Variants in GRAMD4 observed in about 807,000 individuals in gnomAD.
GRAMD4 encodes GRAM domain-containing protein 4.
Under a neutral mutation model 83.9 loss-of-function variants are expected in GRAMD4, and 25 were observed. That is an observed-to-expected ratio of 0.30 (90% CI 0.22 to 0.42). GRAMD4 has a LOEUF of 0.42. GRAMD4 is among the 10% of genes least tolerant of loss of function. GRAMD4 has a pLI of 1.00. For synonymous variants in GRAMD4, 336 were observed against 320.9 expected (o/e 1.05, Z -0.50); for missense variants, 593 against 788.7 (o/e 0.75, Z 2.97).
intron 1 of GRAMD4, among the ~76,000 whole-genome samples, chr22:46,586,998 C>T (rs1030958807): frequency 1.3e-5 from 2 of 152,314 alleles, no homozygotes; most frequent in Middle Eastern, 3.4e-3. Flanking sequence ...CGGGAAGAAC[C>T]GGACCGTAAC....
chr22:46,590,044 C>T (rs894700886), intron 1 of GRAMD4, among the ~76,000 whole-genome samples: 2 of 152,218 alleles, frequency 1.3e-5, no homozygotes, highest in African/African-American at 4.8e-5. Flanking sequence ...TGGGTCCTGG[C>T]CTGGTTGGGA....
chr22:46,657,099 C>T (rs2082255219), intron 3 of GRAMD4, among the ~76,000 whole-genome samples: 1 of 152,244 alleles, frequency 6.6e-6, no homozygotes, highest in Non-Finnish European at 1.5e-5. Context: ...GGGCCACCTG[C>T]CTGAGCCTGT....
At chr22:46,667,721 C>T (rs1004785255) in intron 10 of GRAMD4, among the ~76,000 whole-genome samples, 1 of 152,252 alleles carries the variant, frequency 6.6e-6, no homozygotes, top group African/African-American at 2.4e-5. Flanking sequence ...ACCCAGGAGA[C>T]CTTGAGAGGC....
chr22:46,656,658 TG>T (rs2082249036), intron 3 of GRAMD4, among the ~76,000 whole-genome samples: 1 of 152,216 alleles, frequency 6.6e-6, no homozygotes, highest in East Asian at 1.9e-4. Context: ...CCTTCAGCCT[TG>T]GGCTGCTGGC....
In GRAMD4 at chr22:46,587,739, G is replaced by A. The variant is rs115394227; in HGVS notation, c.-50+10449G>A. Among the ~76,000 whole-genome samples, 537 of 152,186 alleles carry A rather than the reference G, an allele frequency of 3.5e-3. 3 individuals carry two copies. The highest frequency in any genetic ancestry group is 0.012 in the African/African-American group (507 of 41,538). Reference sequence around the variant, plus strand: ...GAGGGACCCAGAGGCACTGGCCCGAGGTAGGGTTGAAACAGGTGGAACTGA... The same window carrying A: ...GAGGGACCCAGAGGCACTGGCCCGAAGTAGGGTTGAAACAGGTGGAACTGA... On this transcript the variant is annotated intron_variant, in intron 1 of 1. Transcript: ENST00000431155.
intron 1 of GRAMD4, among the ~76,000 whole-genome samples, chr22:46,585,571 C>T (rs2081141593): frequency 6.6e-6 from 1 of 152,224 alleles, no homozygotes; most frequent in Non-Finnish European, 1.5e-5. Flanking sequence ...AAGGCCCTTG[C>T]CTGGAATACA....
intron 1 of GRAMD4, among the ~76,000 whole-genome samples, chr22:46,604,655 A>T (rs1009797058): frequency 2.6e-5 from 4 of 152,190 alleles, no homozygotes; most frequent in African/African-American, 9.6e-5. Flanking sequence ...GTGTCTATCT[A>T]TGACTTCCTC....
downstream of GRAMD4, chr22:46,682,509 C>T: frequency 1.4e-5 from 13 of 899,028 alleles, no homozygotes; most frequent in Non-Finnish European, 1.7e-5. Flanking sequence ...CAGAACTCAC[C>T]CCAGAACCCT....
chr22:46,677,991 C>T lies in GRAMD4; in HGVS notation c.*740C>T, dbSNP rs573395887. The T allele has an allele frequency of 2.3e-5, 23 of 985,720 alleles. No individual in the cohort carries two copies. The South Asian group carries it at 4.2e-4, about 18-fold the overall frequency. The allele number at this position is 985,720 out of a possible 1,614,324, so 61.1% of individuals were successfully genotyped here. ...TCTGTAAGGGCCTGCCTGCTGCTCT[C>T]GGCCTGACACGCCGGCCAGGAGGTC... On this transcript the variant is annotated 3_prime_UTR_variant, in exon 19 of 19. Transcript: ENST00000406902.
At chr22:46,603,856 C>G (rs2081340381) in intron 1 of GRAMD4, among the ~76,000 whole-genome samples, 1 of 152,162 alleles carries the variant, frequency 6.6e-6, no homozygotes, top group Non-Finnish European at 1.5e-5. Context: ...CTCGCTGTGA[C>G]AGACCTCGTC....
intron 9 of GRAMD4, 114 bp downstream of exon 9, chr22:46,665,820 G>T (rs2082400223): frequency 1.5e-6 from 1 of 649,528 alleles, no homozygotes. Context: ...TGACGTTTTG[G>T]GGGTGGTCCC....
chr22:46,648,669 A>G (rs1239400620), intron 3 of GRAMD4, among the ~76,000 whole-genome samples: 2 of 150,212 alleles, frequency 1.3e-5, no homozygotes, highest in African/African-American at 4.9e-5. Context: ...AGATTTGGTA[A>G]TGGGTGGGTA....
downstream of GRAMD4, among the ~76,000 whole-genome samples, chr22:46,679,952 G>A (rs778770493): frequency 2.0e-5 from 3 of 152,246 alleles, no homozygotes; most frequent in Non-Finnish European, 4.4e-5. Flanking sequence ...CCTGAGTGAC[G>A]GCTGTGGGGT....
chr22:46,661,763 A>G (rs938832448), intron 5 of GRAMD4, among the ~76,000 whole-genome samples: 2 of 152,250 alleles, frequency 1.3e-5, no homozygotes, highest in African/African-American at 2.4e-5. Flanking sequence ...CCCACGGAAC[A>G]GTGATGTGAG....
chr22:46,621,820 A>T lies in GRAMD4; in HGVS notation c.-50+1255A>T, dbSNP rs1390810201. 2.0e-5 allele frequency among the ~76,000 whole-genome samples: 3 copies of T among 152,212 alleles called. No individual in the cohort carries two copies. On this transcript the variant is annotated intron_variant, in intron 1 of 18. Coordinates refer to ENST00000406902, the MANE Select transcript of GRAMD4 (RefSeq NM_015124.5). The surrounding 1 kb of genome is among the most constrained non-coding windows in gnomAD (Gnocchi z 5.8). ...GAAGGCTGGAAGGTCCATCCCTGGC[A>T]GTGTGTGGTGACATGTGTCGTGACA...
At chr22:46,663,246 GC>G in intron 6 of GRAMD4, 74 bp downstream of exon 6, 1 of 1,429,908 alleles carries the variant, frequency 7.0e-7, no homozygotes, top group Non-Finnish European at 9.7e-7. Flanking sequence ...CAGCGGGTGG[GC>G]CATCCTTTAT....
intron 2 of GRAMD4, among the ~76,000 whole-genome samples, chr22:46,630,697 A>C (rs2081757653): frequency 6.6e-6 from 1 of 152,160 alleles, no homozygotes; most frequent in South Asian, 2.1e-4. Context: ...GATGTTCGTC[A>C]CTTCAGCTAA....
At chr22:46,595,284 C>T (rs997693874) in intron 1 of GRAMD4, among the ~76,000 whole-genome samples, 11 of 152,198 alleles carry the variant, frequency 7.2e-5, no homozygotes, top group Non-Finnish European at 1.0e-4. Context: ...ACAATCCAGA[C>T]GGGGACATGG....
At chr22:46,656,209 T>G (rs2082242455) in intron 3 of GRAMD4, among the ~76,000 whole-genome samples, 1 of 152,208 alleles carries the variant, frequency 6.6e-6, no homozygotes, top group Non-Finnish European at 1.5e-5. Flanking sequence ...GCACCCACAC[T>G]GGGCAAGTGG....
Sources: gnomAD v4.1 joint callset for allele counts (sites outside exome capture counted in the v4.1 genomes callset) on GRCh38, gnomAD v4.1.1 for gene constraint, Gnocchi (gnomAD v3.1) non-coding constraint, MANE v1.5 for transcripts, NCBI Gene and HGNC (gene_info 2026-07-23, HGNC 2026-07-21) for gene names.